PTPRS: variants seen among roughly 807,000 people sequenced by gnomAD.
PTPRS encodes the protein protein tyrosine phosphatase receptor type S, also known as receptor-type tyrosine-protein phosphatase S.
PTPRS carries 63 observed loss-of-function variants against 215.3 expected under a neutral mutation model. That is an observed-to-expected ratio of 0.29 (90% CI 0.24 to 0.36). The LOEUF (loss-of-function observed/expected upper bound fraction) is 0.36, where lower values mean the gene tolerates loss of function less well. Among genes scored for constraint, PTPRS ranks in the 10% least tolerant of loss-of-function variants. PTPRS has a pLI of 1.00. For synonymous variants in PTPRS, 1,404 were observed against 1,191.4 expected, an observed-to-expected ratio of 1.18 and a Z score of -3.68; for missense variants, 2,258 against 2,825.8, an observed-to-expected ratio of 0.80 and a Z score of 4.56.
At chr19:5,241,146 C>T (rs961439988) in intron 11 of PTPRS, among the ~76,000 whole-genome samples, 1 of 151,920 alleles carries the variant, frequency 6.6e-6, no homozygotes, top group South Asian at 2.1e-4. Context: ...GCCTCGGCCT[C>T]CCAAAGTGCT....
At chr19:5,262,025 C>A (rs2046035644) in intron 6 of PTPRS, among the ~76,000 whole-genome samples, 1 of 152,164 alleles carries the variant, frequency 6.6e-6, no homozygotes, top group Admixed American at 6.5e-5. Flanking sequence ...GTAATCCTAG[C>A]ACTTTGGGAA....
chr19:5,220,475 A>G (rs919439519), intron 20 of PTPRS, 122 bp from the exon 21 acceptor site: 16 of 825,358 alleles, frequency 1.9e-5, no homozygotes, highest in Admixed American at 1.5e-4. Flanking sequence ...CAATGAGCCT[A>G]TTCCCCTATG....
At chr19:5,256,756 C>T (rs902173548) in intron 8 of PTPRS, among the ~76,000 whole-genome samples, 1 of 152,102 alleles carries the variant, frequency 6.6e-6, no homozygotes, top group South Asian at 2.1e-4. Flanking sequence ...CATCCCCTCC[C>T]CCTCCATGCG....
chr19:5,336,322 G>C (rs73922010), intron 1 of PTPRS, among the ~76,000 whole-genome samples: 15,877 of 149,796 alleles, frequency 0.11, 1,203 homozygotes, highest in African/African-American at 0.21. Context: ...GGGTTAGAGA[G>C]ACCCAGGTGT....
chr19:5,222,250 A>G, intron 18 of PTPRS, 30 bp from the exon 19 acceptor site: 1 of 1,570,364 alleles, frequency 6.4e-7, no homozygotes, highest in Non-Finnish European at 8.8e-7. Context: ...GCAGGGAGAG[A>G]GCAGAAGAGA....
At chr19:5,252,615 C>T (rs2045221477) in intron 9 of PTPRS, among the ~76,000 whole-genome samples, 1 of 143,674 alleles carries the variant, frequency 7.0e-6, no homozygotes, top group Non-Finnish European at 1.5e-5. Context: ...TGTGGTGGCT[C>T]ACACCTGTAA....
chr19:5,337,179 A>G (rs1349552161), intron 1 of PTPRS, among the ~76,000 whole-genome samples: 2 of 152,214 alleles, frequency 1.3e-5, no homozygotes, highest in Non-Finnish European at 1.5e-5. Flanking sequence ...CTCTCAGCCG[A>G]AAAACATTAA....
In PTPRS at chr19:5,295,050, T is replaced by G. The variant is rs2049093119; in HGVS notation, c.-94-8816A>C. ...CTCCCCAACTTGGCTGGGCACACAG[T>G]GGGCCCTCAGGAGCAGAGTAGGCAC... is the stretch of plus-strand genomic sequence containing the variant. On this transcript the variant is annotated intron_variant, in intron 1 of 37. Transcript: ENST00000262963. The surrounding 1 kb of genome is among the most constrained non-coding windows in gnomAD (Gnocchi z 4.6). 6.6e-6 allele frequency among the ~76,000 whole-genome samples: 1 copy of G among 152,050 alleles called. No homozygotes were observed. Among genetic ancestry groups the G allele is most frequent in the Non-Finnish European group, 1.5e-5 (1 of 68,014 alleles).
At chr19:5,319,069 A>C (rs964389785) in intron 1 of PTPRS, among the ~76,000 whole-genome samples, 1 of 152,128 alleles carries the variant, frequency 6.6e-6, no homozygotes, top group African/African-American at 2.4e-5. Context: ...CAGCCTGGCC[A>C]CTAACCCCAG....
In PTPRS at chr19:5,246,126, C is replaced by T. The variant is rs182437038; in HGVS notation, c.719-81G>A. ...GAGGTTGGGAGGGGAAGACAGGATGCGGAGGAGAAAAAGAAAAGCAGGAAG... is the reference window on the plus strand; with the variant it reads ...GAGGTTGGGAGGGGAAGACAGGATGTGGAGGAGAAAAAGAAAAGCAGGAAG... On this transcript the variant is annotated intron_variant, in intron 9 of 37. Transcript: ENST00000262963. 4.6e-5 allele frequency: 34 copies of T among 737,596 alleles called. No individual in the cohort carries two copies. In the East Asian group the frequency reaches 4.8e-4, roughly 10 times the overall value. The allele number at this position is 737,596 out of a possible 1,614,324, so 45.7% of individuals were successfully genotyped here.
chr19:5,246,211 A>G (rs2044473841), intron 9 of PTPRS, among the ~76,000 whole-genome samples, 166 bp from the exon 10 acceptor site: 2 of 152,214 alleles, frequency 1.3e-5, no homozygotes, highest in African/African-American at 4.8e-5. Context: ...ATTTAAATAT[A>G]AACAGGGCTG....
intron 1 of PTPRS, among the ~76,000 whole-genome samples, chr19:5,317,565 A>G (rs1016936945): frequency 9.9e-5 from 15 of 152,250 alleles, no homozygotes; most frequent in African/African-American, 3.6e-4. Context: ...AGGTGACGGC[A>G]GGATTTGAAT....
At chr19:5,245,589 A>G (rs28534704) in intron 10 of PTPRS, among the ~76,000 whole-genome samples, 187 bp downstream of exon 10, 14,451 of 152,266 alleles carry the variant, frequency 0.095, 2,266 homozygotes, top group African/African-American at 0.33. Context: ...CACTGCGCCC[A>G]GCCAGGATCA....
chr19:5,231,848 C>A (rs935352551), intron 13 of PTPRS, among the ~76,000 whole-genome samples: 5 of 152,220 alleles, frequency 3.3e-5, no homozygotes, highest in African/African-American at 1.2e-4. Context: ...TGGCCAAGAA[C>A]CCTGTGCTCA....
At chr19:5,296,044 G>A (rs1274666053) in intron 1 of PTPRS, among the ~76,000 whole-genome samples, 2 of 152,084 alleles carry the variant, frequency 1.3e-5, no homozygotes, top group Admixed American at 1.3e-4. Context: ...ACATGAGCCC[G>A]TAATAAGGTT....
chr19:5,231,357 C>G lies in PTPRS; in HGVS notation c.2108G>C (p.Gly703Ala), dbSNP rs2042998525. ...RITTVAHTEV[G>A]PGPESSPVVV... ...CACGGGCGAGCTCTCGGGCCCTGGT[C>G]CCACCTCTGTGTGAGCGACAGTCGT... is the stretch of plus-strand genomic sequence containing the variant. The change falls in exon 14 of 38, where the codon GGA becomes GCA. Residue 703 changes from glycine (G) to alanine (A), a missense_variant. Physicochemically the swap from Gly to Ala is moderately conservative, Grantham distance 60. Transcript: ENST00000262963. The G allele has an allele frequency of 6.2e-7, 1 of 1,612,400 alleles. No individual in the cohort carries two copies. The highest frequency in any genetic ancestry group is 1.7e-5 in the Admixed American group (1 of 59,986).
intron 2 of PTPRS, among the ~76,000 whole-genome samples, chr19:5,281,858 G>A (rs1181294936): frequency 2.0e-5 from 3 of 152,168 alleles, no homozygotes; most frequent in Non-Finnish European, 4.4e-5. Flanking sequence ...AAGCAAGACC[G>A]GGCGGGTGGG....
At chr19:5,214,245 C>G (rs762991549) in intron 30 of PTPRS, 116 bp downstream of exon 30, 121 of 1,424,894 alleles carry the variant, frequency 8.5e-5, no homozygotes, top group Non-Finnish European at 1.1e-4. Context: ...CCTGGGTAGA[C>G]ACGCTCCGCT....
At chr19:5,265,951 A>G (rs1205150583) in intron 4 of PTPRS, among the ~76,000 whole-genome samples, 1 of 152,144 alleles carries the variant, frequency 6.6e-6, no homozygotes, top group Non-Finnish European at 1.5e-5. Flanking sequence ...AAAAATTTTT[A>G]AACAGAGAGA....
Sources: gnomAD v4.1 joint callset for allele counts (sites outside exome capture counted in the v4.1 genomes callset) on GRCh38, gnomAD v4.1.1 for gene constraint, Gnocchi (gnomAD v3.1) non-coding constraint, MANE v1.5 for transcripts, NCBI Gene and HGNC (gene_info 2026-07-23, HGNC 2026-07-21) for gene names.